The following CADM2 variants were observed in gnomAD, a reference collection of about 807,000 sequenced individuals.
CADM2 encodes cell adhesion molecule 2.
A neutral mutation model predicts 49.8 loss-of-function variants in CADM2; 12 were observed. That is an observed-to-expected ratio of 0.24 (90% confidence interval 0.15 to 0.39). The LOEUF (loss-of-function observed/expected upper bound fraction) is 0.39, where lower values mean the gene tolerates loss of function less well. CADM2 is among the 10% of genes least tolerant of loss of function. The pLI is 1.00. For synonymous variants in CADM2, 214 were observed against 175.4 expected, an observed-to-expected ratio of 1.22 and a Z score of -1.74; for missense variants, 378 against 492.3, an observed-to-expected ratio of 0.77 and a Z score of 2.20.
At chr3:85,304,782 G>A (rs1472502223) in intron 1 of CADM2, among the ~76,000 whole-genome samples, 1 of 151,668 alleles carries the variant, frequency 6.6e-6, no homozygotes, top group East Asian at 1.9e-4. Flanking sequence ...CTCCTTGGCA[G>A]TTCACATATA....
At chr3:85,384,671 A>G (rs79519029) in intron 1 of CADM2, among the ~76,000 whole-genome samples, 11 of 148,656 alleles carry the variant, frequency 7.4e-5, no homozygotes, top group African/African-American at 2.2e-4. Flanking sequence ...GTCAAAAAAA[A>G]TGTGTGTGTG....
intron 1 of CADM2, among the ~76,000 whole-genome samples, chr3:85,399,457 C>T (rs1168458583): frequency 1.3e-5 from 2 of 152,086 alleles, no homozygotes; most frequent in Non-Finnish European, 2.9e-5. Flanking sequence ...CTTGGCAATG[C>T]GGGCTCTTTT....
At chr3:85,080,075 C>A (rs1338249352) in intron 1 of CADM2, among the ~76,000 whole-genome samples, 2 of 151,944 alleles carry the variant, frequency 1.3e-5, no homozygotes, top group African/African-American at 2.4e-5. Flanking sequence ...TATCATAATA[C>A]TATTTTTGAG....
chr3:85,845,669 A>G (rs2074849750), intron 3 of CADM2, among the ~76,000 whole-genome samples: 1 of 152,144 alleles, frequency 6.6e-6, no homozygotes, highest in African/African-American at 2.4e-5. Context: ...ATCATGTGCT[A>G]AGTGGCACAG....
intron 1 of CADM2, among the ~76,000 whole-genome samples, chr3:84,961,101 G>A (rs896290717): frequency 6.6e-6 from 1 of 151,964 alleles, no homozygotes; most frequent in African/African-American, 2.4e-5. Flanking sequence ...TTTTTCCCTG[G>A]GTAAAAGGGA....
Position 86,066,983 on chromosome 3 carries a change from C to A in CADM2, c.*200C>A. ...TTACTGTACCATCCATAATGCAGGA[C>A]ATTTCTTACTGCCTAAATTTCACAC... On this transcript the variant is annotated 3_prime_UTR_variant, in exon 10 of 10. Coordinates refer to ENST00000383699, the MANE Select transcript of CADM2 (RefSeq NM_001167675.2). The A allele has an allele frequency of 1.8e-6, 1 of 544,882 alleles. No individual in the cohort carries two copies. The highest frequency in any genetic ancestry group is 3.0e-5 in the East Asian group (1 of 32,996). 33.8% of individuals were successfully genotyped at this position (544,882 alleles called of 1,614,324 possible).
At chr3:86,031,361 A>G (rs147257385) in intron 8 of CADM2, among the ~76,000 whole-genome samples, 121 of 151,966 alleles carry the variant, frequency 8.0e-4, no homozygotes, top group African/African-American at 2.6e-3. Flanking sequence ...GATATGAACC[A>G]TCTGAGCCTG....
chr3:85,031,584 G>T (rs1392205694), intron 1 of CADM2, among the ~76,000 whole-genome samples: 1 of 152,016 alleles, frequency 6.6e-6, no homozygotes, highest in Non-Finnish European at 1.5e-5. Context: ...GCGCGATCTC[G>T]GCTCACTGCA....
chr3:85,242,016 A>C (rs2042541794), intron 1 of CADM2, among the ~76,000 whole-genome samples: 1 of 150,982 alleles, frequency 6.6e-6, no homozygotes, highest in South Asian at 2.1e-4. Context: ...CTTTAGTCAA[A>C]ACATCTTATT....
chr3:85,921,971 T>C (rs1367648631), intron 6 of CADM2, among the ~76,000 whole-genome samples: 1 of 152,130 alleles, frequency 6.6e-6, no homozygotes. Context: ...CTTAGCAATA[T>C]GAATCTCCTT....
intron 1 of CADM2, among the ~76,000 whole-genome samples, chr3:85,193,180 T>C (rs2107729125): frequency 6.6e-6 from 1 of 152,232 alleles, no homozygotes; most frequent in Middle Eastern, 3.4e-3. Flanking sequence ...AGACATTTTC[T>C]GAAAGATTCA....
At chr3:85,040,522 GA>G (rs575150297) in intron 1 of CADM2, among the ~76,000 whole-genome samples, 73 of 143,202 alleles carry the variant, frequency 5.1e-4, no homozygotes, top group Middle Eastern at 3.5e-3. Flanking sequence ...TCTCTTGGGT[GA>G]AAAAAAAAAA....
chr3:85,491,734 G>A (rs2039682114), intron 1 of CADM2, among the ~76,000 whole-genome samples: 2 of 151,906 alleles, frequency 1.3e-5, no homozygotes, highest in Non-Finnish European at 2.9e-5. Context: ...GGCAGATCAC[G>A]AGGTCAGGAG....
intron 1 of CADM2, among the ~76,000 whole-genome samples, chr3:85,018,604 C>A (rs1008442675): frequency 4.5e-4 from 68 of 152,190 alleles, no homozygotes; most frequent in African/African-American, 1.6e-3. Flanking sequence ...ATCCACCTGC[C>A]TCGGCCTCCC....
chr3:85,396,679 G>T (rs532947178), intron 1 of CADM2, among the ~76,000 whole-genome samples: 3 of 152,046 alleles, frequency 2.0e-5, no homozygotes, highest in Non-Finnish European at 2.9e-5. Context: ...AGGACAGTCT[G>T]TTCAATAAAT....
intron 1 of CADM2, among the ~76,000 whole-genome samples, chr3:85,652,796 T>TTTTTTTTTTTTC (rs869310296): frequency 7.0e-6 from 1 of 143,340 alleles, no homozygotes; most frequent in Non-Finnish European, 1.5e-5. Flanking sequence ...TTTTTTTTTT[T>TTTTTTTTTTTTC]AGACAGAGTC....
chr3:85,397,889 T>G (rs1440824349), intron 1 of CADM2, among the ~76,000 whole-genome samples: 1 of 152,198 alleles, frequency 6.6e-6, no homozygotes, highest in Non-Finnish European at 1.5e-5. Flanking sequence ...ATTTTAAATA[T>G]TTTACCACAA....
chr3:85,148,933 A>G (rs758178208), intron 1 of CADM2, among the ~76,000 whole-genome samples: 1 of 152,170 alleles, frequency 6.6e-6, no homozygotes, highest in Non-Finnish European at 1.5e-5. Context: ...GGCAGAAGAA[A>G]GTCTGCATGT....
At chr3:85,197,734 TATG>T (rs1310038603) in intron 1 of CADM2, among the ~76,000 whole-genome samples, 1 of 151,942 alleles carries the variant, frequency 6.6e-6, no homozygotes, top group Non-Finnish European at 1.5e-5. Context: ...ACTCTGATGT[TATG>T]TTGTTCAAAT....
Sources: allele counts gnomAD v4.1 joint callset (sites outside exome capture counted in the v4.1 genomes callset), GRCh38; gene constraint gnomAD v4.1.1; transcripts MANE v1.5; gene names NCBI Gene and HGNC (gene_info 2026-07-23, HGNC 2026-07-21).